The following TSPAN9 variants were observed in gnomAD, a reference collection of about 807,000 sequenced individuals.
The protein encoded by TSPAN9 is tetraspanin 9.
TSPAN9 carries 16 observed loss-of-function variants against 31.0 expected under a neutral mutation model. The ratio of observed to expected loss-of-function variants is 0.52; its 90% CI spans 0.35 to 0.78. The LOEUF (loss-of-function observed/expected upper bound fraction) is 0.78. Ranked by LOEUF, TSPAN9 falls within the 30% of genes least tolerant of loss-of-function variation. TSPAN9 has a pLI of 0.01. For missense variants in TSPAN9, 272 were observed against 312.5 expected (o/e 0.87, Z 0.98); for synonymous variants, 145 against 121.6 (o/e 1.19, Z -1.27).
chr12:3,203,840 A>G (rs1255018653), intron 3 of TSPAN9, among the ~76,000 whole-genome samples: 5 of 151,958 alleles, frequency 3.3e-5, no homozygotes, highest in Non-Finnish European at 7.4e-5. Flanking sequence ...CAGGTGCAGG[A>G]GGGTGTTGGC....
intron 2 of TSPAN9, among the ~76,000 whole-genome samples, chr12:3,118,564 C>T (rs1203576912): frequency 6.6e-6 from 1 of 151,904 alleles, no homozygotes; most frequent in Non-Finnish European, 1.5e-5. Context: ...CCTGGCCAGA[C>T]CCCTCTCTGC....
intron 2 of TSPAN9, among the ~76,000 whole-genome samples, chr12:3,167,186 C>T (rs549022171): frequency 6.6e-6 from 1 of 152,276 alleles, no homozygotes; most frequent in South Asian, 2.1e-4. Flanking sequence ...AAATAAGATT[C>T]ATCCACGTAG....
At chr12:3,277,002 G>C (rs1862801622) in intron 3 of TSPAN9, among the ~76,000 whole-genome samples, 1 of 152,210 alleles carries the variant, frequency 6.6e-6, no homozygotes, top group Admixed American at 6.5e-5. Context: ...CAGGGGCTGG[G>C]CTGATTCCTG....
At chr12:3,224,059 T>G (rs1452640470) in intron 3 of TSPAN9, among the ~76,000 whole-genome samples, 1 of 150,816 alleles carries the variant, frequency 6.6e-6, no homozygotes, top group Non-Finnish European at 1.5e-5. Context: ...TTGTGCTTCT[T>G]TAGGTAGGAC....
rs71577843 is a variant in TSPAN9, at chr12:3,083,473, G to A, written c.-84-180G>A. Among the ~76,000 whole-genome samples, 1,376 of 152,286 alleles carry A rather than the reference G, an allele frequency of 9.0e-3. 9 individuals are homozygous for A. Among genetic ancestry groups the A allele is most frequent in the Non-Finnish European group, 0.014 (977 of 68,024 alleles). On this transcript the variant is annotated intron_variant, in intron 1 of 8. Transcript: ENST00000011898. Reference sequence around the variant, plus strand: ...GCTCATAATGCCTTGGGTACCCACCGCCAACTGAGTGGCATTAGCACACTG... The same window carrying A: ...GCTCATAATGCCTTGGGTACCCACCACCAACTGAGTGGCATTAGCACACTG...
chr12:3,282,787 C>T (rs1200806533), intron 8 of TSPAN9, among the ~76,000 whole-genome samples: 3 of 152,214 alleles, frequency 2.0e-5, no homozygotes, highest in East Asian at 1.9e-4. Flanking sequence ...AGTAGGCACA[C>T]GTATGCATCC....
chr12:3,179,646 CT>C (rs1209506192), intron 2 of TSPAN9, among the ~76,000 whole-genome samples: 1 of 152,140 alleles, frequency 6.6e-6, no homozygotes, highest in Non-Finnish European at 1.5e-5. Flanking sequence ...TAGTTGTATT[CT>C]GAGCTAACAT....
chr12:3,277,074 C>T (rs547225074), intron 3 of TSPAN9, among the ~76,000 whole-genome samples: 6 of 152,338 alleles, frequency 3.9e-5, no homozygotes, highest in African/African-American at 1.4e-4. Flanking sequence ...GCCTTTCCAG[C>T]AAGCAGTGCC....
At chr12:3,267,607 G>C (rs114884165) in intron 3 of TSPAN9, among the ~76,000 whole-genome samples, 263 of 152,342 alleles carry the variant, frequency 1.7e-3, no homozygotes, top group African/African-American at 6.0e-3. Flanking sequence ...GTGCTTTGAT[G>C]CTGTCAGAAA....
Position 3,107,137 on chromosome 12 carries a change from G to A in TSPAN9, c.-18+23418G>A, listed in dbSNP as rs1359260367. Among the ~76,000 whole-genome samples the A allele has an allele frequency of 4.6e-5, 7 of 152,126 alleles. No individual in the cohort carries two copies. The highest frequency in any genetic ancestry group is 7.2e-5 in the African/African-American group (3 of 41,438). On this transcript the variant is annotated intron_variant, in intron 2 of 8. Transcript: ENST00000011898. The surrounding 1 kb of genome is among the most constrained non-coding windows in gnomAD (Gnocchi z 4.1). ...CCACCGCAGAGCACGAAATCATCAC[G>A]GGGCTGTGGAAATCCAATTAGACTT...
chr12:3,243,813 G>A (rs974750572), intron 3 of TSPAN9, among the ~76,000 whole-genome samples: 11 of 152,310 alleles, frequency 7.2e-5, no homozygotes, highest in Admixed American at 2.0e-4. Flanking sequence ...CAGGCCAGCT[G>A]CTCTAGGCAG....
At chr12:3,274,029 T>TG (rs1285009533) in intron 3 of TSPAN9, among the ~76,000 whole-genome samples, 3 of 151,204 alleles carry the variant, frequency 2.0e-5, no homozygotes, top group Non-Finnish European at 4.4e-5. Context: ...GTGCCTGGCG[T>TG]GGGGGGATAG....
intron 3 of TSPAN9, chr12:3,215,150 A>C (rs1276459274): frequency 1.3e-5 from 2 of 152,274 alleles, no homozygotes; most frequent in East Asian, 3.9e-4. Context: ...GTGTGGATTC[A>C]AGAACCTGTC....
At chr12:3,105,142 C>T (rs1437108206) in intron 2 of TSPAN9, among the ~76,000 whole-genome samples, 3 of 152,162 alleles carry the variant, frequency 2.0e-5, no homozygotes, top group Non-Finnish European at 2.9e-5. Context: ...CCTACAGGAC[C>T]CTGTGTCTTT....
intron 2 of TSPAN9, chr12:3,173,377 C>T (rs1230008195): frequency 6.6e-6 from 1 of 152,456 alleles, no homozygotes; most frequent in Non-Finnish European, 1.5e-5. Flanking sequence ...CTTTCTCTTC[C>T]CTCTGCCAGG....
chr12:3,110,244 C>T (rs1308208037), intron 2 of TSPAN9, among the ~76,000 whole-genome samples: 1 of 152,154 alleles, frequency 6.6e-6, no homozygotes, highest in East Asian at 1.9e-4. Flanking sequence ...CTGCCCTCTT[C>T]CTCCATAGGC....
In TSPAN9 at chr12:3,285,375, CT is replaced by C. The variant is rs1862995404; in HGVS notation, c.*2263del. On this transcript the variant is annotated 3_prime_UTR_variant, in exon 9 of 9. Coordinates refer to ENST00000011898, the MANE Select transcript of TSPAN9 (RefSeq NM_006675.5). ...GGAGATGTGCAACCTCCCTGAAAAT[CT>C]TTTCTGTTTCTGGAGTACTTCAGGG... 6.6e-6 allele frequency: 1 copy of C among 152,210 alleles called. No individual in the cohort carries two copies. The highest frequency in any genetic ancestry group is 1.5e-5 in the Non-Finnish European group (1 of 68,032). The allele number at this position is 152,210 out of a possible 1,614,324, so 9.4% of individuals were successfully genotyped here. A position where few individuals can be genotyped will look rare whatever the true frequency, so the allele number is the denominator to read the frequency against.
At chr12:3,085,255 T>C (rs948625247) in intron 2 of TSPAN9, among the ~76,000 whole-genome samples, 11 of 150,442 alleles carry the variant, frequency 7.3e-5, no homozygotes, top group South Asian at 2.1e-4. Flanking sequence ...GACAAGGGAA[T>C]GACCGTCCTG....
chr12:3,252,587 G>T (rs1471106353), intron 3 of TSPAN9, among the ~76,000 whole-genome samples: 1 of 152,260 alleles, frequency 6.6e-6, no homozygotes, highest in Admixed American at 6.5e-5. Flanking sequence ...CTGGGCCTGG[G>T]CCGACTCTTG....
Sources: allele counts gnomAD v4.1 joint callset (sites outside exome capture counted in the v4.1 genomes callset), GRCh38; gene constraint gnomAD v4.1.1; non-coding constraint Gnocchi (gnomAD v3.1); transcripts MANE v1.5; gene names NCBI Gene and HGNC (gene_info 2026-07-23, HGNC 2026-07-21).